Variants in LONRF3 observed in about 807,000 individuals in gnomAD.
The protein encoded by LONRF3 is LON peptidase N-terminal domain and ring finger 3, also known as LON peptidase N-terminal domain and RING finger protein 3.
A neutral mutation model predicts 51.7 loss-of-function variants in LONRF3; 19 were observed. That is an observed-to-expected ratio of 0.37 (90% CI 0.26 to 0.54). The LOEUF is 0.54. Among genes scored for constraint, LONRF3 ranks in the 20% least tolerant of loss-of-function variants. The pLI is 0.86. For synonymous variants in LONRF3, 265 were observed against 257.8 expected (o/e 1.03, Z -0.27); for missense variants, 521 against 623.9 (o/e 0.84, Z 1.76).
Position 118,975,507 on chromosome X carries a change from G to T in LONRF3, c.727G>T (p.Ala243Ser), listed in dbSNP as rs1381352472. The change falls in exon 1 of 11, where the codon GCG becomes TCG. Residue 243 changes from alanine (A) to serine (S), a missense_variant. Coordinates refer to ENST00000371628, the MANE Select transcript of LONRF3 (RefSeq NM_001031855.3). The stretch of plus-strand genomic sequence containing the variant: ...CAAGTTGTTTCCAGGCCCAGCGCGA[G>T]CGTCGCAACTCCGGCACGAGGGCAA... Reference protein sequence around the residue: ...LGKLFPGPARASQLRHEGNRL... With the variant: ...LGKLFPGPARSSQLRHEGNRL... 8.3e-7 allele frequency: 1 copy of T among 1,204,052 alleles called. No individual in the cohort carries two copies. Among genetic ancestry groups the T allele is most frequent in the Middle Eastern group, 2.3e-4 (1 of 4,329 alleles).
intron 5 of LONRF3, among the ~76,000 whole-genome samples, chrX:119,003,534 A>T (rs1603254126): frequency 8.9e-6 from 1 of 112,263 alleles, no homozygotes; most frequent in East Asian, 2.8e-4. Flanking sequence ...ATTTGTCATA[A>T]ATCAAGAATC....
intron 10 of LONRF3, among the ~76,000 whole-genome samples, chrX:119,017,170 A>G (rs1337999480): frequency 9.0e-6 from 1 of 111,700 alleles, no homozygotes; most frequent in Admixed American, 9.5e-5. Flanking sequence ...TGATTGAGAA[A>G]GGCTGATCCT....
chrX:118,976,526 T>G (rs1253574596), intron 1 of LONRF3: 4 of 111,910 alleles, frequency 3.6e-5, no homozygotes, highest in African/African-American at 9.7e-5. Flanking sequence ...GCGCGGCAAC[T>G]GCTTGGGGAT....
chrX:118,999,667 C>T (rs1172862830), intron 5 of LONRF3, among the ~76,000 whole-genome samples: 2 of 111,731 alleles, frequency 1.8e-5, no homozygotes, highest in Non-Finnish European at 3.8e-5. Context: ...TTGAACTCAA[C>T]AGGGGGCTTT....
intron 3 of LONRF3, chrX:118,987,098 C>T (rs1923032180): frequency 8.8e-7 from 1 of 1,140,538 alleles, no homozygotes; most frequent in South Asian, 1.9e-5. Context: ...TCAACTCACC[C>T]AGCTCGCTCG....
Position 118,989,433 on chromosome X carries a change from C to A in LONRF3, c.1085C>A (p.Ser362Tyr). Reference sequence around the variant, plus strand: ...GACAATCTGGAGCTCCCACATTGTTCTAGTCAGGAGGAAGCAGCAGCCAGG... The same window carrying A: ...GACAATCTGGAGCTCCCACATTGTTATAGTCAGGAGGAAGCAGCAGCCAGG... The part of the protein sequence containing the change: ...QRDNLELPHC[S>Y]SQEEAAARGD... The change falls in exon 4 of 11, where the codon TCT becomes TAT. Residue 362 changes from serine to tyrosine, a missense_variant. Around this residue, in one of 2 missense-constraint regions of LONRF3, gnomAD observed 376 missense variants for 376.7 expected, o/e 1.00. Coordinates refer to ENST00000371628, the MANE Select transcript of LONRF3 (RefSeq NM_001031855.3). The A allele has an allele frequency of 9.9e-6, 12 of 1,210,931 alleles. No homozygotes were observed. The highest frequency in any genetic ancestry group is 1.2e-5 in the Non-Finnish European group (11 of 895,191).
At chrX:119,013,297 G>A (rs1406015961) in intron 9 of LONRF3, 96 bp downstream of exon 9, 3 of 909,600 alleles carry the variant, frequency 3.3e-6, no homozygotes, top group Non-Finnish European at 3.0e-6. Flanking sequence ...AACCCTTGAG[G>A]GCCTTGGGAT....
At chrX:118,994,204 A>T (rs1001303179) in intron 5 of LONRF3, among the ~76,000 whole-genome samples, 1 of 111,899 alleles carries the variant, frequency 8.9e-6, no homozygotes, top group African/African-American at 3.3e-5. Flanking sequence ...AATACTAACA[A>T]TGTAAATGGC....
At chrX:118,990,989 C>T (rs1923386062) in intron 5 of LONRF3, among the ~76,000 whole-genome samples, 1 of 111,339 alleles carries the variant, frequency 9.0e-6, no homozygotes, top group African/African-American at 3.3e-5. Flanking sequence ...TCTTAAGTAG[C>T]TGGGATTACA....
intron 10 of LONRF3, among the ~76,000 whole-genome samples, chrX:119,016,472 G>A (rs752088144): frequency 5.6e-5 from 6 of 107,003 alleles, no homozygotes; most frequent in African/African-American, 1.7e-4. Context: ...CTCAGCCTCC[G>A]GAGTAGCTGG....
intron 5 of LONRF3, among the ~76,000 whole-genome samples, chrX:118,993,018 A>G (rs1923542657): frequency 9.0e-6 from 1 of 111,677 alleles, no homozygotes; most frequent in Non-Finnish European, 1.9e-5. Context: ...GAATCTGAAC[A>G]ACAGCCTTTA....
At chrX:118,977,930 C>T (rs183161876) in intron 1 of LONRF3, among the ~76,000 whole-genome samples, 2 of 111,813 alleles carry the variant, frequency 1.8e-5, no homozygotes, top group African/African-American at 3.2e-5. Context: ...GATTTGTCTT[C>T]TTGGTGGTTC....
intron 3 of LONRF3, chrX:118,987,050 T>C: frequency 8.7e-7 from 1 of 1,153,944 alleles, no homozygotes; most frequent in Non-Finnish European, 1.1e-6. Context: ...CTACTGAAGT[T>C]ACCAGCCATA....
intron 5 of LONRF3, among the ~76,000 whole-genome samples, chrX:118,993,131 A>C (rs1348186589): frequency 2.7e-5 from 3 of 109,932 alleles, no homozygotes; most frequent in African/African-American, 1.0e-4. Context: ...CCCCCCCCCA[A>C]AAACCACACT....
intron 5 of LONRF3, 132 bp downstream of exon 5, chrX:118,990,692 C>A: frequency 2.0e-6 from 1 of 492,142 alleles, no homozygotes; most frequent in East Asian, 3.8e-5. Flanking sequence ...GAAATCACAA[C>A]GTTGATTGTC....
chrX:119,011,843 T>G lies in LONRF3; in HGVS notation c.1681T>G (p.Cys561Gly), dbSNP rs1364174961. The change falls in exon 8 of 11, where the codon TGT becomes GGT. Residue 561 changes from cysteine (C) to glycine (G), a missense_variant. Physicochemically the swap from Cys to Gly is radical, Grantham distance 159 (BLOSUM62 -3). Coordinates refer to ENST00000371628, the MANE Select transcript of LONRF3 (RefSeq NM_001031855.3). ...TAATAAGAATGTGCCTATTTTCGTG[T>G]GTACTATGGCCTATCCCACCGTTCC... ...NLNKNVPIFV[C>G]TMAYPTVPCP... is the part of the protein sequence containing the mutation. The G allele has an allele frequency of 8.3e-7, 1 of 1,211,652 alleles. No homozygotes were observed. Among genetic ancestry groups the G allele is most frequent in the Non-Finnish European group, 1.1e-6 (1 of 895,307 alleles).
In LONRF3 at chrX:119,006,204, A is replaced by G; in HGVS notation, c.1499A>G (p.Lys500Arg). 1 of 1,192,869 alleles carries G rather than the reference A, an allele frequency of 8.4e-7. No homozygotes were observed. Among genetic ancestry groups the G allele is most frequent in the East Asian group, 3.0e-5 (1 of 33,593 alleles). ...CLERCLDHNA[K>R]CPLCKDGLSQ... ...GAAAGATGCCTAGATCACAACGCAAAGTGTCCATTGTGCAAAGACGGTCTT... is the reference window on the plus strand; with the variant it reads ...GAAAGATGCCTAGATCACAACGCAAGGTGTCCATTGTGCAAAGACGGTCTT... The change falls in exon 6 of 11, where the codon AAG (lysine) becomes AGG (arginine). Residue 500 changes from lysine (K) to arginine (R), a missense_variant. Lys to Arg is a conservative substitution (Grantham distance 26). Around this residue, in one of 2 missense-constraint regions of LONRF3, gnomAD observed 145 missense variants for 247.2 expected, o/e 0.59. Transcript: ENST00000371628.
chrX:118,982,951 GA>G lies in LONRF3; in HGVS notation c.1059+11del. 8.3e-7 allele frequency: 1 copy of G among 1,207,029 alleles called. No individual in the cohort carries two copies. Among genetic ancestry groups the G allele is most frequent in the Non-Finnish European group, 1.1e-6 (1 of 892,538 alleles). Reference sequence around the variant, plus strand: ...AGATGTGAAGCCCAAAGAGTGAGTTGAAATGACATCAGGTCCAGCTGCCTAC... The same window carrying G: ...AGATGTGAAGCCCAAAGAGTGAGTTGAATGACATCAGGTCCAGCTGCCTAC... On this transcript the variant is annotated intron_variant, in intron 3 of 10. Coordinates refer to ENST00000371628, the MANE Select transcript of LONRF3 (RefSeq NM_001031855.3).
Position 118,975,175 on chromosome X carries a change from C to G in LONRF3, c.395C>G (p.Ala132Gly), listed in dbSNP as rs768753376. 13 of 1,176,885 alleles carry G rather than the reference C, an allele frequency of 1.1e-5. No individual in the cohort carries two copies. The South Asian group carries it at 2.4e-4, about 22-fold the overall frequency. Residue 132 changes from alanine to glycine, a missense_variant, in exon 1 of 11, where the codon GCA becomes GGA. Ala to Gly is a moderately conservative substitution (Grantham distance 60). Transcript: ENST00000371628. ...GCGCCCCCGGACGAGGGTAGCACTG[C>G]AAGCGGCACCGTGGCGGCGGAAGAG... Reference protein sequence around the residue: ...APAPPDEGSTASGTVAAEETG... With the variant: ...APAPPDEGSTGSGTVAAEETG...
Sources: gnomAD v4.1 joint callset for allele counts (sites outside exome capture counted in the v4.1 genomes callset) on GRCh38, gnomAD v4.1.1 for gene constraint, gnomAD v4.1.1 regional missense constraint, MANE v1.5 for transcripts, NCBI Gene and HGNC (gene_info 2026-07-23, HGNC 2026-07-21) for gene names.